The following SEMA3A variants were observed in gnomAD, a reference collection of about 807,000 sequenced individuals.
The protein encoded by SEMA3A is semaphorin-3A.
SEMA3A carries 29 observed loss-of-function variants against 97.9 expected under a neutral mutation model. That is an observed-to-expected ratio of 0.30 (90% CI 0.22 to 0.40). SEMA3A has a LOEUF of 0.40. Among genes scored for constraint, SEMA3A ranks in the 10% least tolerant of loss-of-function variants. The pLI, the probability that SEMA3A is intolerant of heterozygous loss-of-function variation, is 1.00. For synonymous variants in SEMA3A, 321 were observed against 323.7 expected (o/e 0.99, Z 0.09); for missense variants, 763 against 951.3 (o/e 0.80, Z 2.60).
At chr7:84,216,206 A>G (rs983251807) in intron 3 of SEMA3A, among the ~76,000 whole-genome samples, 4 of 152,228 alleles carry the variant, frequency 2.6e-5, no homozygotes, top group Non-Finnish European at 5.9e-5. Flanking sequence ...TCCTGGGTTC[A>G]AGCGATTCTC....
intron 1 of SEMA3A, among the ~76,000 whole-genome samples, chr7:84,465,047 T>G (rs1805955067): frequency 6.6e-6 from 1 of 152,228 alleles, no homozygotes; most frequent in African/African-American, 2.4e-5. Flanking sequence ...ATAAAAAGAC[T>G]TAAGGATAAA....
At chr7:84,325,117 C>CTTTA (rs376513345) in intron 2 of SEMA3A, among the ~76,000 whole-genome samples, 4 of 149,052 alleles carry the variant, frequency 2.7e-5, no homozygotes, top group African/African-American at 9.9e-5. Flanking sequence ...ATGTATATAT[C>CTTTA]TCTATCTATC....
intron 1 of SEMA3A, among the ~76,000 whole-genome samples, chr7:84,154,501 C>A (rs1796773587): frequency 6.6e-6 from 1 of 151,754 alleles, no homozygotes; most frequent in Admixed American, 6.6e-5. Context: ...CATGTTGAAA[C>A]CCCGTCTCTA....
At chr7:84,301,989 A>G (rs1363246213) in intron 3 of SEMA3A, among the ~76,000 whole-genome samples, 1 of 152,190 alleles carries the variant, frequency 6.6e-6, no homozygotes, top group Non-Finnish European at 1.5e-5. Context: ...TACTCATAGG[A>G]AAGCAATTCA....
intron 1 of SEMA3A, among the ~76,000 whole-genome samples, chr7:84,486,486 C>T (rs1379520639): frequency 3.9e-5 from 6 of 152,184 alleles, no homozygotes; most frequent in Non-Finnish European, 1.5e-5. Flanking sequence ...AAGCATATTA[C>T]GTGAAACATC....
chr7:84,062,562 G>T lies in SEMA3A; in HGVS notation c.454-2004C>A, dbSNP rs182070368. On this transcript the variant is annotated intron_variant, in intron 4 of 16. Coordinates refer to ENST00000265362, the MANE Select transcript of SEMA3A (RefSeq NM_006080.3). ...AGTGGGCATAGGTCAGTGGGTGCGC[G>T]CACCACGCGCGAGCCGAAGCAGGGC... Among the ~76,000 whole-genome samples, 338 of 152,286 alleles carry T rather than the reference G, an allele frequency of 2.2e-3. 3 individuals carry two copies. Among genetic ancestry groups the T allele is most frequent in the South Asian group, 0.016 (75 of 4,832 alleles).
intron 3 of SEMA3A, among the ~76,000 whole-genome samples, chr7:84,252,080 C>T (rs1799623488): frequency 1.3e-5 from 2 of 152,160 alleles, no homozygotes; most frequent in African/African-American, 4.8e-5. Flanking sequence ...AATACTCATC[C>T]GAATCCAGCA....
intron 12 of SEMA3A, among the ~76,000 whole-genome samples, chr7:83,993,243 C>T (rs1239120135): frequency 1.9e-5 from 1 of 52,100 alleles, no homozygotes; most frequent in Non-Finnish European, 3.5e-5. Flanking sequence ...CTGAATACAG[C>T]ACACTGATGG....
chr7:83,967,560 G>A (rs1483663396), intron 15 of SEMA3A, among the ~76,000 whole-genome samples: 1 of 152,086 alleles, frequency 6.6e-6, no homozygotes, highest in Non-Finnish European at 1.5e-5. Context: ...TTCAAGAACG[G>A]CCTGGCCAAC....
At chr7:83,964,448 T>TAATC (rs1327916371) in intron 15 of SEMA3A, among the ~76,000 whole-genome samples, 1 of 152,360 alleles carries the variant, frequency 6.6e-6, no homozygotes, top group African/African-American at 2.4e-5. Flanking sequence ...ACTCTTGTCA[T>TAATC]AATCAACTGA....
chr7:84,228,211 A>G (rs1487385006), intron 3 of SEMA3A, among the ~76,000 whole-genome samples: 1 of 151,966 alleles, frequency 6.6e-6, no homozygotes, highest in Non-Finnish European at 1.5e-5. Flanking sequence ...GCAAATTGGG[A>G]ACTATGAAGT....
At chr7:84,335,487 G>C (rs545293117) in intron 2 of SEMA3A, among the ~76,000 whole-genome samples, 2 of 152,054 alleles carry the variant, frequency 1.3e-5, no homozygotes, top group African/African-American at 4.8e-5. Flanking sequence ...GGGAGCAAGA[G>C]AGAGATCTAT....
At chr7:84,463,935 T>G (rs1245737479) in intron 1 of SEMA3A, among the ~76,000 whole-genome samples, 2 of 152,184 alleles carry the variant, frequency 1.3e-5, no homozygotes, top group Non-Finnish European at 2.9e-5. Flanking sequence ...GTACCTGATA[T>G]ATAGTGAACA....
intron 2 of SEMA3A, among the ~76,000 whole-genome samples, chr7:84,328,298 C>T (rs1801816465): frequency 6.6e-6 from 1 of 151,892 alleles, no homozygotes; most frequent in Non-Finnish European, 1.5e-5. Flanking sequence ...TTTGCATTGC[C>T]ACAATACCAT....
At chr7:84,309,114 G>A (rs748013077) in intron 2 of SEMA3A, among the ~76,000 whole-genome samples, 16 of 152,094 alleles carry the variant, frequency 1.1e-4, no homozygotes, top group Admixed American at 2.6e-4. Flanking sequence ...TACCACGCCC[G>A]GCCAAAATAT....
intron 1 of SEMA3A, among the ~76,000 whole-genome samples, chr7:84,176,488 T>G (rs1027911209): frequency 3.3e-5 from 5 of 152,192 alleles, no homozygotes; most frequent in African/African-American, 1.2e-4. Context: ...TATTTATTTA[T>G]GAAAGATGGT....
chr7:84,094,732 A>G (rs1794704162), intron 4 of SEMA3A, among the ~76,000 whole-genome samples: 2 of 152,150 alleles, frequency 1.3e-5, no homozygotes, highest in South Asian at 4.1e-4. Flanking sequence ...CAACACAAAA[A>G]CTCACAAACC....
intron 2 of SEMA3A, among the ~76,000 whole-genome samples, chr7:84,339,806 C>G (rs1037789353): frequency 2.0e-5 from 3 of 152,064 alleles, no homozygotes; most frequent in Non-Finnish European, 2.9e-5. Flanking sequence ...ATTCCAAAAA[C>G]AGTTTTCAAA....
At chr7:84,022,015 T>C (rs546001948) in intron 6 of SEMA3A, among the ~76,000 whole-genome samples, 90 of 152,312 alleles carry the variant, frequency 5.9e-4, no homozygotes, top group Non-Finnish European at 1.1e-3. Flanking sequence ...GAAGAAGCTG[T>C]TCTTTTCTTT....
Sources: gnomAD v4.1 joint callset for allele counts (sites outside exome capture counted in the v4.1 genomes callset) on GRCh38, gnomAD v4.1.1 for gene constraint, MANE v1.5 for transcripts, NCBI Gene and HGNC (gene_info 2026-07-23, HGNC 2026-07-21) for gene names.